Variants in TRERF1 observed in about 807,000 individuals in gnomAD.
The protein encoded by TRERF1 is transcriptional regulating factor 1.
Under a neutral mutation model 122.9 loss-of-function variants are expected in TRERF1, and 27 were observed. The observed-to-expected ratio is 0.22, with a 90% CI of 0.16 to 0.30. The LOEUF is 0.30. Among genes scored for constraint, TRERF1 ranks in the 10% least tolerant of loss-of-function variants. TRERF1 has a pLI of 1.00. For missense variants in TRERF1, 1,248 were observed against 1,560.3 expected (o/e 0.80, Z 3.37); for synonymous variants, 636 against 641.7 (o/e 0.99, Z 0.13).
chr6:42,405,953 C>G (rs1359944619), intron 2 of TRERF1, among the ~76,000 whole-genome samples: 1 of 152,110 alleles, frequency 6.6e-6, no homozygotes, highest in Non-Finnish European at 1.5e-5. Flanking sequence ...GCCCATGACA[C>G]AGAAGCACCG....
At chr6:42,278,576 T>C (rs1781714630) in intron 4 of TRERF1, among the ~76,000 whole-genome samples, 1 of 152,134 alleles carries the variant, frequency 6.6e-6, no homozygotes, top group Admixed American at 6.5e-5. Flanking sequence ...ATGCCAGGGA[T>C]GAGGACCACT....
At chr6:42,450,622 C>T (rs905016329) in intron 2 of TRERF1, among the ~76,000 whole-genome samples, 2 of 152,222 alleles carry the variant, frequency 1.3e-5, no homozygotes, top group African/African-American at 4.8e-5. Context: ...TCTCGGCCTC[C>T]GCTGGTGAAG....
intron 16 of TRERF1, among the ~76,000 whole-genome samples, chr6:42,233,504 C>A (rs1338003979): frequency 6.6e-6 from 1 of 152,150 alleles, no homozygotes; most frequent in Non-Finnish European, 1.5e-5. Flanking sequence ...CCAGGATGGT[C>A]TCGATCTCCT....
At chr6:42,327,474 C>T (rs1384842822) in intron 3 of TRERF1, among the ~76,000 whole-genome samples, 1 of 152,092 alleles carries the variant, frequency 6.6e-6, no homozygotes, top group Non-Finnish European at 1.5e-5. Context: ...CTTCTGTATC[C>T]CCAGATCCTA....
chr6:42,381,890 G>T (rs1167304331), intron 2 of TRERF1, among the ~76,000 whole-genome samples: 1 of 148,978 alleles, frequency 6.7e-6, no homozygotes, highest in Admixed American at 6.8e-5. Flanking sequence ...GGTTTCCACA[G>T]GACTGAAGAG....
chr6:42,316,732 T>A (rs656588), intron 3 of TRERF1, among the ~76,000 whole-genome samples: 56,836 of 151,628 alleles, frequency 0.37, 11,486 homozygotes, highest in East Asian at 0.75. Context: ...CGCCTTTGTC[T>A]TGGTAATGAA....
Position 42,259,856 on chromosome 6 carries a change from C to T in TRERF1, c.1885-133G>A. ...GCTTGACCCCCCCACCCCCAACGCC[C>T]CCACATTCTGACCACATCCATTTTA... is the stretch of plus-strand genomic sequence containing the variant. On this transcript the variant is annotated intron_variant, in intron 8 of 17. Coordinates refer to ENST00000372922, the Ensembl canonical transcript of TRERF1. This position sits in a 1 kb window ranked among gnomAD's most constrained non-coding sequence, Gnocchi z 4.9. 2 of 1,264,642 alleles carry T rather than the reference C, an allele frequency of 1.6e-6. No homozygotes were observed. Among genetic ancestry groups the T allele is most frequent in the Non-Finnish European group, 2.2e-6 (2 of 928,324 alleles). 78.3% of individuals were successfully genotyped at this position (1,264,642 alleles called of 1,614,324 possible).
downstream of TRERF1, chr6:42,225,206 TTTTC>T (rs1269155461): frequency 2.9e-5 from 4 of 138,252 alleles, no homozygotes; most frequent in Admixed American, 2.1e-4. Flanking sequence ...TTTCCTTTTT[TTTTC>T]TTTTTTTTTT....
chr6:42,304,377 ATCAGTGAGAGCGTAGGTCCC>A (rs1450408850), intron 3 of TRERF1, among the ~76,000 whole-genome samples: 1 of 152,198 alleles, frequency 6.6e-6, no homozygotes, highest in Non-Finnish European at 1.5e-5. Context: ...GAACAGGCAG[ATCAGTGAGAGCGTAGGTCCC>A]TCACTGAGCA....
At chr6:42,421,189 G>T (rs192438751) in intron 2 of TRERF1, among the ~76,000 whole-genome samples, 4 of 152,294 alleles carry the variant, frequency 2.6e-5, no homozygotes, top group African/African-American at 9.6e-5. Flanking sequence ...TGTATAGAGC[G>T]CACTTGGCAA....
chr6:42,346,718 T>C (rs1768358432), intron 3 of TRERF1, among the ~76,000 whole-genome samples: 1 of 152,164 alleles, frequency 6.6e-6, no homozygotes, highest in African/African-American at 2.4e-5. Flanking sequence ...AGGACTTTCA[T>C]ACTAAAACCA....
chr6:42,329,740 C>G (rs951964467), intron 3 of TRERF1, among the ~76,000 whole-genome samples: 1 of 152,132 alleles, frequency 6.6e-6, no homozygotes, highest in Non-Finnish European at 1.5e-5. Context: ...GCTGTAATCC[C>G]AGCACTTTGG....
intron 2 of TRERF1, among the ~76,000 whole-genome samples, chr6:42,370,206 C>A (rs1387354112): frequency 6.6e-6 from 1 of 152,166 alleles, no homozygotes; most frequent in African/African-American, 2.4e-5. Context: ...ACAAATCACA[C>A]ATACACACAT....
chr6:42,258,494 T>C (rs1777171006), intron 9 of TRERF1, among the ~76,000 whole-genome samples: 1 of 152,272 alleles, frequency 6.6e-6, no homozygotes, highest in African/African-American at 2.4e-5. Context: ...AGCCTCTCTA[T>C]GCTTGATTTT....
intron 2 of TRERF1, among the ~76,000 whole-genome samples, chr6:42,396,282 C>G (rs897184420): frequency 1.1e-3 from 168 of 152,248 alleles, no homozygotes; most frequent in African/African-American, 3.7e-3. Context: ...CCTCCCAGAC[C>G]TCTCCCCTTG....
intron 2 of TRERF1, among the ~76,000 whole-genome samples, chr6:42,370,979 G>A (rs1361351224): frequency 6.6e-6 from 1 of 152,176 alleles, no homozygotes; most frequent in African/African-American, 2.4e-5. Flanking sequence ...GCAAAGGGGA[G>A]CAGCCACATA....
At chr6:42,441,100 G>A (rs1176927038) in intron 2 of TRERF1, among the ~76,000 whole-genome samples, 1 of 152,024 alleles carries the variant, frequency 6.6e-6, no homozygotes, top group Admixed American at 6.6e-5. Context: ...AGCTCTCCCA[G>A]TAAATGCTGT....
At chr6:42,430,393 A>G (rs1784312349) in intron 2 of TRERF1, among the ~76,000 whole-genome samples, 1 of 152,180 alleles carries the variant, frequency 6.6e-6, no homozygotes, top group Non-Finnish European at 1.5e-5. Flanking sequence ...CCCTCACTCC[A>G]AAAAGCAAGG....
chr6:42,251,685 C>T (rs577554017), intron 13 of TRERF1, among the ~76,000 whole-genome samples: 4 of 152,288 alleles, frequency 2.6e-5, no homozygotes, highest in South Asian at 2.1e-4. Flanking sequence ...CTCTTGAGTA[C>T]GTAATTCTGT....
Sources: allele counts gnomAD v4.1 joint callset (sites outside exome capture counted in the v4.1 genomes callset), GRCh38; gene constraint gnomAD v4.1.1; non-coding constraint Gnocchi (gnomAD v3.1); transcripts MANE v1.5; gene names NCBI Gene and HGNC (gene_info 2026-07-23, HGNC 2026-07-21).